CCND3: variants seen among roughly 807,000 people sequenced by gnomAD.
CCND3 encodes cyclin D3, also known as G1/S-specific cyclin-D3.
Under a neutral mutation model 28.7 loss-of-function variants are expected in CCND3, and 9 were observed. The ratio of observed to expected loss-of-function variants is 0.31; its 90% CI spans 0.19 to 0.55. CCND3 has a LOEUF of 0.55. Ranked by LOEUF, CCND3 falls within the 20% of genes least tolerant of loss-of-function variation. CCND3 has a pLI of 0.93. For missense variants in CCND3, 315 were observed against 385.8 expected, an observed-to-expected ratio of 0.82 and a Z score of 1.54; for synonymous variants, 164 against 163.9, an observed-to-expected ratio of 1.00 and a Z score of 0.00.
chr6:41,977,841 CA>C (rs1762225493), intron 1 of CCND3, among the ~76,000 whole-genome samples: 1 of 152,062 alleles, frequency 6.6e-6, no homozygotes, highest in Non-Finnish European at 1.5e-5. Context: ...CAATTATTTT[CA>C]AAAACTCTAA....
intron 1 of CCND3, among the ~76,000 whole-genome samples, chr6:41,988,344 T>C (rs1019101847): frequency 6.6e-6 from 1 of 152,002 alleles, no homozygotes; most frequent in Non-Finnish European, 1.5e-5. Flanking sequence ...AAAACAGTAT[T>C]TCTCATTCTT....
chr6:42,034,345 G>A (rs1307180066), intron 1 of CCND3, among the ~76,000 whole-genome samples: 3 of 151,022 alleles, frequency 2.0e-5, no homozygotes, highest in South Asian at 4.2e-4. Flanking sequence ...ACAGGGTTTC[G>A]CCATGTTGGC....
At chr6:41,981,766 C>T (rs9296372) in intron 1 of CCND3, among the ~76,000 whole-genome samples, 149,713 of 151,200 alleles carry the variant, frequency 0.99, 74,130 homozygotes, top group Middle Eastern at 1. Flanking sequence ...TCAGGCAATC[C>T]ACCCACCTCA....
chr6:41,964,372 A>ATG (rs59443874), intron 1 of CCND3, among the ~76,000 whole-genome samples: 29,881 of 139,222 alleles, frequency 0.21, 3,345 homozygotes, highest in Non-Finnish European at 0.27. Flanking sequence ...GTATGTGTGA[A>ATG]TGTGTGTGAG....
intron 1 of CCND3, among the ~76,000 whole-genome samples, chr6:41,986,739 AATTTGGATGCCATTT>A (rs1207499688): frequency 6.6e-6 from 1 of 151,932 alleles, no homozygotes; most frequent in African/African-American, 2.4e-5. Context: ...CTTCTTTTCC[AATTTGGATGCCATTT>A]ATTTGTCTTA....
upstream of CCND3, among the ~76,000 whole-genome samples, chr6:41,942,723 CG>C (rs1222816893): frequency 2.0e-5 from 3 of 152,060 alleles, no homozygotes; most frequent in South Asian, 4.1e-4. Flanking sequence ...GTAGTTTTAC[CG>C]GAAGCTAGAT....
chr6:42,003,702 G>A (rs1763089010), intron 1 of CCND3, among the ~76,000 whole-genome samples: 1 of 151,948 alleles, frequency 6.6e-6, no homozygotes, highest in Non-Finnish European at 1.5e-5. Flanking sequence ...ACTTTGGGAA[G>A]CTGAGGCAGG....
intron 1 of CCND3, among the ~76,000 whole-genome samples, chr6:42,019,583 T>C (rs1244564312): frequency 6.6e-6 from 1 of 151,506 alleles, no homozygotes; most frequent in Non-Finnish European, 1.5e-5. Context: ...ATGTGAACAG[T>C]ATTCTATGAT....
chr6:41,984,773 T>G lies in CCND3; in HGVS notation c.-45-44188A>C, dbSNP rs113267280. ...CCTTTTCTCCACACCCTTGTCAATG[T>G]TTATCTTTTGTCTGTTTGATAGTAG... On this transcript the variant is annotated intron_variant, in intron 1 of 4. Coordinates refer to the CCND3 transcript ENST00000372988. Among the ~76,000 whole-genome samples the G allele has an allele frequency of 7.1e-3, 1,087 of 152,270 alleles. 12 individuals carry two copies. The highest frequency in any genetic ancestry group is 0.011 in the Non-Finnish European group (727 of 68,008).
At chr6:42,043,815 G>A (rs541628238) in intron 1 of CCND3, among the ~76,000 whole-genome samples, 8 of 152,312 alleles carry the variant, frequency 5.3e-5, no homozygotes, top group African/African-American at 1.2e-4. Context: ...GGCCAACGAC[G>A]GAGGTACCAG....
chr6:41,963,661 T>C (rs1582112119), intron 1 of CCND3, among the ~76,000 whole-genome samples: 1 of 152,354 alleles, frequency 6.6e-6, no homozygotes, highest in East Asian at 1.9e-4. Flanking sequence ...AGGCAGCTAC[T>C]GTGTCCCACA....
chr6:42,003,435 G>A (rs1233694991), intron 1 of CCND3, among the ~76,000 whole-genome samples: 8 of 145,306 alleles, frequency 5.5e-5, no homozygotes, highest in Admixed American at 2.1e-4. Context: ...TGAGGCAGGA[G>A]AATCACTTGA....
chr6:42,049,839 C>T (rs1255408769), upstream of CCND3: 1 of 152,140 alleles, frequency 6.6e-6, no homozygotes, highest in East Asian at 1.9e-4. Flanking sequence ...TGGGGAGCTC[C>T]TTAATGAGAA....
Position 41,936,982 on chromosome 6 carries a change from A to G in CCND3, c.574+253T>C. 1.7e-6 allele frequency: 1 copy of G among 599,198 alleles called. No individual in the cohort carries two copies. Among genetic ancestry groups the G allele is most frequent in the South Asian group, 2.0e-5 (1 of 49,356 alleles). 37.1% of individuals were successfully genotyped at this position (599,198 alleles called of 1,614,324 possible). On this transcript the variant is annotated intron_variant, in intron 3 of 4. Transcript: ENST00000372991. This position sits in a 1 kb window ranked among gnomAD's most constrained non-coding sequence, Gnocchi z 4.4. ...GCCAAGAGACTGGGGTTCTGTTCCC[A>G]ACCTGTTCACTGTGAGACCTTGGGC...
At chr6:41,998,415 C>T (rs1285686167) in intron 1 of CCND3, among the ~76,000 whole-genome samples, 1 of 145,998 alleles carries the variant, frequency 6.8e-6, no homozygotes, top group Non-Finnish European at 1.5e-5. Flanking sequence ...ATGGTGCAAT[C>T]TCAGCTCACC....
intron 1 of CCND3, among the ~76,000 whole-genome samples, chr6:42,038,222 C>G (rs912014318): frequency 9.9e-5 from 15 of 151,902 alleles, no homozygotes; most frequent in Middle Eastern, 6.8e-3. Flanking sequence ...CCTCTTGGCC[C>G]CATTGTGCTG....
chr6:41,955,234 C>A (rs1776408707), intron 1 of CCND3, among the ~76,000 whole-genome samples: 1 of 151,704 alleles, frequency 6.6e-6, no homozygotes, highest in South Asian at 2.1e-4. Context: ...ATAATGATTC[C>A]AAAACCCAAC....
intron 1 of CCND3, among the ~76,000 whole-genome samples, chr6:41,962,224 C>T (rs1278795648): frequency 3.3e-5 from 5 of 152,274 alleles, no homozygotes; most frequent in Non-Finnish European, 5.9e-5. Flanking sequence ...CCTCAGCCTC[C>T]CCAGTAGCTG....
intron 1 of CCND3, among the ~76,000 whole-genome samples, chr6:42,000,328 C>G (rs1275468679): frequency 7.3e-6 from 1 of 137,584 alleles, no homozygotes; most frequent in African/African-American, 2.7e-5. Context: ...CAAGCTCCGC[C>G]TCTCGGGTTC....
Sources: gnomAD v4.1 joint callset for allele counts (sites outside exome capture counted in the v4.1 genomes callset) on GRCh38, gnomAD v4.1.1 for gene constraint, Gnocchi (gnomAD v3.1) non-coding constraint, MANE v1.5 for transcripts, NCBI Gene and HGNC (gene_info 2026-07-23, HGNC 2026-07-21) for gene names.